The following INPP4B variants were observed in gnomAD, a reference collection of about 807,000 sequenced individuals.
The protein encoded by INPP4B is inositol polyphosphate-4-phosphatase type II B, also known as inositol polyphosphate 4-phosphatase type II.
In INPP4B, 55 loss-of-function variants were observed where a neutral mutation model predicts 122.5. The ratio of observed to expected loss-of-function variants is 0.45; its 90% confidence interval spans 0.36 to 0.56. The LOEUF is 0.56. Among genes scored for constraint, INPP4B ranks in the 20% least tolerant of loss-of-function variants. INPP4B has a pLI of 0.00. For synonymous variants in INPP4B, 403 were observed against 388.7 expected (o/e 1.04, Z -0.43); for missense variants, 1,000 against 1,097.7 (o/e 0.91, Z 1.26).
At chr4:142,650,144 T>A (rs937747603) in intron 2 of INPP4B, among the ~76,000 whole-genome samples, 1 of 152,110 alleles carries the variant, frequency 6.6e-6, no homozygotes, top group Non-Finnish European at 1.5e-5. Flanking sequence ...AGAAATAAAA[T>A]CCTTTACAGA....
chr4:142,844,937 T>C (rs913544148), intron 1 of INPP4B, among the ~76,000 whole-genome samples: 4 of 152,206 alleles, frequency 2.6e-5, no homozygotes, highest in African/African-American at 9.6e-5. Flanking sequence ...GCCACACCTT[T>C]ATAAACAAGT....
intron 17 of INPP4B, among the ~76,000 whole-genome samples, chr4:142,153,861 A>G (rs116610952): frequency 6.6e-6 from 1 of 152,366 alleles, no homozygotes; most frequent in African/African-American, 2.4e-5. Context: ...ATGAATATGC[A>G]TGCACATAAA....
intron 20 of INPP4B, among the ~76,000 whole-genome samples, chr4:142,122,965 T>C (rs994582773): frequency 1.3e-5 from 2 of 152,104 alleles, no homozygotes; most frequent in African/African-American, 4.8e-5. Context: ...AAGGCTACTA[T>C]ATTGAACAGT....
chr4:142,030,486 A>G (rs911641459), intron 25 of INPP4B, among the ~76,000 whole-genome samples: 10 of 152,188 alleles, frequency 6.6e-5, no homozygotes, highest in African/African-American at 2.4e-4. Context: ...ATTGTACTAC[A>G]TGGGCAAAGG....
chr4:142,700,740 G>A (rs887299080), intron 2 of INPP4B, among the ~76,000 whole-genome samples: 7 of 151,868 alleles, frequency 4.6e-5, no homozygotes, highest in African/African-American at 1.2e-4. Context: ...TTAGAAGTAG[G>A]TCACATGACC....
intron 3 of INPP4B, among the ~76,000 whole-genome samples, chr4:142,447,054 T>C (rs1813060228): frequency 6.6e-6 from 1 of 152,214 alleles, no homozygotes; most frequent in Non-Finnish European, 1.5e-5. Context: ...TAAATAGTCA[T>C]TATGAATTGA....
chr4:142,259,751 T>G (rs531632517), intron 11 of INPP4B, among the ~76,000 whole-genome samples: 70 of 152,094 alleles, frequency 4.6e-4, no homozygotes, highest in Non-Finnish European at 9.7e-4. Flanking sequence ...TTCCTTATTC[T>G]ATAACTTTTT....
At chr4:142,422,631 C>A (rs1349436093) in intron 5 of INPP4B, among the ~76,000 whole-genome samples, 2 of 151,934 alleles carry the variant, frequency 1.3e-5, no homozygotes, top group Non-Finnish European at 2.9e-5. Flanking sequence ...ATAGTGAGAA[C>A]CCCCTCTCTA....
At chr4:142,467,211 C>T (rs2149644207) in intron 2 of INPP4B, among the ~76,000 whole-genome samples, 1 of 152,330 alleles carries the variant, frequency 6.6e-6, no homozygotes, top group East Asian at 1.9e-4. Context: ...GGCAGAGCCA[C>T]CAGTAGATTG....
At chr4:142,779,780 G>A (rs1774519566) in intron 1 of INPP4B, among the ~76,000 whole-genome samples, 1 of 152,112 alleles carries the variant, frequency 6.6e-6, no homozygotes, top group Non-Finnish European at 1.5e-5. Context: ...AGGAATGAAA[G>A]TGGGAAAGGA....
chr4:142,784,547 G>A (rs1775443409), intron 1 of INPP4B, among the ~76,000 whole-genome samples: 1 of 151,892 alleles, frequency 6.6e-6, no homozygotes, highest in Non-Finnish European at 1.5e-5. Flanking sequence ...AAAAGCTGCT[G>A]GAGCCATCAA....
At chr4:142,313,227 A>C (rs1204188310) in intron 8 of INPP4B, among the ~76,000 whole-genome samples, 1 of 152,200 alleles carries the variant, frequency 6.6e-6, no homozygotes, top group Non-Finnish European at 1.5e-5. Context: ...CCAAAATATC[A>C]TTAAAGCTTC....
At chr4:142,840,642 T>C (rs1783366325) in intron 1 of INPP4B, among the ~76,000 whole-genome samples, 1 of 152,098 alleles carries the variant, frequency 6.6e-6, no homozygotes, top group Non-Finnish European at 1.5e-5. Context: ...TGTAAATAAA[T>C]TATGTTTAAA....
At chr4:142,785,477 G>A (rs1775625898) in intron 1 of INPP4B, among the ~76,000 whole-genome samples, 1 of 151,864 alleles carries the variant, frequency 6.6e-6, no homozygotes, top group Non-Finnish European at 1.5e-5. Flanking sequence ...GCAGAAAGAT[G>A]AACACTCTAA....
chr4:142,454,066 A>G (rs1020864725), intron 3 of INPP4B, among the ~76,000 whole-genome samples: 5 of 152,082 alleles, frequency 3.3e-5, no homozygotes, highest in African/African-American at 9.7e-5. Flanking sequence ...GTGTAAAAGT[A>G]TGATATGATT....
Position 142,119,711 on chromosome 4 carries a change from G to T in INPP4B, c.2135+2417C>A, listed in dbSNP as rs148756679. Among the ~76,000 whole-genome samples the T allele has an allele frequency of 7.9e-3, 1,197 of 151,424 alleles. 17 individuals are homozygous for T. The highest frequency in any genetic ancestry group is 0.027 in the African/African-American group (1,105 of 41,212). On this transcript the variant is annotated intron_variant, in intron 21 of 25. Coordinates refer to ENST00000262992, the MANE Select transcript of INPP4B (RefSeq NM_001101669.3). ...ACCTAATGTAAATGACGAGTTTATGGGTGCGGCACACCAACATGGCAGATG... is the reference window on the plus strand; with the variant it reads ...ACCTAATGTAAATGACGAGTTTATGTGTGCGGCACACCAACATGGCAGATG...
At chr4:142,660,132 G>A (rs1238086006) in intron 2 of INPP4B, among the ~76,000 whole-genome samples, 1 of 152,140 alleles carries the variant, frequency 6.6e-6, no homozygotes, top group East Asian at 1.9e-4. Context: ...CTGACATTAG[G>A]TGGGAAAGAG....
intron 2 of INPP4B, among the ~76,000 whole-genome samples, chr4:142,588,503 T>C (rs1456038816): frequency 6.6e-6 from 1 of 151,484 alleles, no homozygotes. Context: ...TCAATTTCTT[T>C]GCTATACATT....
chr4:142,531,244 C>T (rs1206566904), intron 2 of INPP4B, among the ~76,000 whole-genome samples: 1 of 148,406 alleles, frequency 6.7e-6, no homozygotes, highest in Non-Finnish European at 1.5e-5. Context: ...AGGGGTCACT[C>T]TTAACAGGAA....
Sources: gnomAD v4.1 joint callset for allele counts (sites outside exome capture counted in the v4.1 genomes callset) on GRCh38, gnomAD v4.1.1 for gene constraint, MANE v1.5 for transcripts, NCBI Gene and HGNC (gene_info 2026-07-23, HGNC 2026-07-21) for gene names.